The following RBFOX1 variants were observed in gnomAD, a reference collection of about 807,000 sequenced individuals.
RBFOX1 encodes RNA binding protein fox-1 homolog 1.
In RBFOX1, 8 loss-of-function variants were observed where a neutral mutation model predicts 57.7. The ratio of observed to expected loss-of-function variants is 0.14; its 90% CI spans 0.08 to 0.25. RBFOX1 has a LOEUF of 0.25. Ranked by LOEUF, RBFOX1 falls within the 10% of genes least tolerant of loss-of-function variation. The pLI, the probability that RBFOX1 is intolerant of heterozygous loss-of-function variation, is 1.00. For missense variants in RBFOX1, 611 were observed against 548.5 expected (o/e 1.11, Z -1.14); for synonymous variants, 326 against 222.4 (o/e 1.47, Z -4.15).
intron 1 of RBFOX1, among the ~76,000 whole-genome samples, chr16:5,339,134 G>A (rs1239491437): frequency 2.0e-5 from 3 of 152,050 alleles, no homozygotes; most frequent in African/African-American, 7.2e-5. Flanking sequence ...CTGAAATGTT[G>A]TGTCCTTTGA....
At chr16:5,587,671 G>A (rs1377643422) in intron 2 of RBFOX1, among the ~76,000 whole-genome samples, 2 of 152,118 alleles carry the variant, frequency 1.3e-5, no homozygotes, top group African/African-American at 2.4e-5. Flanking sequence ...CAAGATCGCG[G>A]CACTGTACTC....
At chr16:7,330,525 T>TGTTTGTGTGTAG (rs1441570396) in intron 4 of RBFOX1, among the ~76,000 whole-genome samples, 1 of 132,906 alleles carries the variant, frequency 7.5e-6, no homozygotes, top group Non-Finnish European at 1.6e-5. Context: ...TGTGTGTGTG[T>TGTTTGTGTGTAG]AGAGAGAGAG....
chr16:7,347,899 C>T (rs1045035626), intron 4 of RBFOX1, among the ~76,000 whole-genome samples: 2 of 152,150 alleles, frequency 1.3e-5, no homozygotes, highest in Non-Finnish European at 2.9e-5. Context: ...GTATTGATAG[C>T]CTTCAGTGCA....
rs577122588 is a variant in RBFOX1, at chr16:7,214,696, A to G, written c.27+162598A>G. On this transcript the variant is annotated intron_variant, in intron 4 of 15. Coordinates refer to ENST00000550418, the MANE Select transcript of RBFOX1 (RefSeq NM_018723.4). ...GCACATAAAATCCAGAACCCTTCAC[A>G]CAGGCTACCGTATACTGCGCGATCT... Among the ~76,000 whole-genome samples the G allele has an allele frequency of 4.8e-4, 73 of 152,098 alleles. 1 individual carries two copies. The highest frequency in any genetic ancestry group is 2.1e-3 in the Admixed American group (32 of 15,278).
intron 1 of RBFOX1, among the ~76,000 whole-genome samples, chr16:6,032,400 C>T (rs1185855133): frequency 1.3e-5 from 2 of 152,052 alleles, no homozygotes; most frequent in Non-Finnish European, 2.9e-5. Context: ...TACAATTATT[C>T]ATTCCGTAGC....
chr16:6,866,983 A>G (rs1603634297), intron 3 of RBFOX1, among the ~76,000 whole-genome samples: 1 of 150,270 alleles, frequency 6.7e-6, no homozygotes, highest in African/African-American at 2.5e-5. Context: ...CATACAGAAA[A>G]CCCTCTAGTC....
intron 3 of RBFOX1, among the ~76,000 whole-genome samples, chr16:5,833,805 C>T (rs946273875): frequency 4.6e-5 from 7 of 152,134 alleles, no homozygotes; most frequent in African/African-American, 1.2e-4. Flanking sequence ...TTAGCCCAGG[C>T]CCTGTCCAAA....
intron 3 of RBFOX1, among the ~76,000 whole-genome samples, chr16:6,687,926 C>G (rs1384300041): frequency 6.6e-6 from 1 of 152,156 alleles, no homozygotes; most frequent in Non-Finnish European, 1.5e-5. Flanking sequence ...ATTTTCAAAA[C>G]AATCATCTTG....
At chr16:6,238,674 C>A (rs1431952394) in intron 1 of RBFOX1, among the ~76,000 whole-genome samples, 1 of 152,130 alleles carries the variant, frequency 6.6e-6, no homozygotes, top group East Asian at 1.9e-4. Flanking sequence ...ATCCCAGCAG[C>A]TTTATGCTTT....
chr16:6,719,488 T>G (rs958793192), intron 3 of RBFOX1, among the ~76,000 whole-genome samples: 1 of 151,640 alleles, frequency 6.6e-6, no homozygotes, highest in Admixed American at 6.6e-5. Flanking sequence ...TCACCCAGGA[T>G]GGGGTGCAGT....
chr16:7,440,295 G>T (rs1156442079), intron 4 of RBFOX1, among the ~76,000 whole-genome samples: 2 of 152,180 alleles, frequency 1.3e-5, no homozygotes, highest in African/African-American at 4.8e-5. Context: ...GCATATTAGG[G>T]TGGAGCCAGG....
At chr16:5,856,187 C>CTCTCTCTCTCTCTATATA (rs1430331422) in intron 3 of RBFOX1, among the ~76,000 whole-genome samples, 8 of 31,064 alleles carry the variant, frequency 2.6e-4, no homozygotes, top group African/African-American at 9.9e-4. Context: ...CTCTCTCTCT[C>CTCTCTCTCTCTCTATATA]TATATATATA....
intron 1 of RBFOX1, among the ~76,000 whole-genome samples, chr16:6,293,591 T>G (rs1363162836): frequency 6.6e-6 from 1 of 152,010 alleles, no homozygotes; most frequent in Non-Finnish European, 1.5e-5. Flanking sequence ...ATCTGTGAGG[T>G]AGATGATTAT....
chr16:5,453,517 G>T (rs930484291), intron 1 of RBFOX1, among the ~76,000 whole-genome samples: 1 of 152,104 alleles, frequency 6.6e-6, no homozygotes, highest in South Asian at 2.1e-4. Context: ...TCATGCTCTG[G>T]TGTAAGGAAA....
intron 4 of RBFOX1, among the ~76,000 whole-genome samples, chr16:7,054,779 G>C (rs945347525): frequency 6.6e-6 from 1 of 152,220 alleles, no homozygotes; most frequent in Non-Finnish European, 1.5e-5. Context: ...TTGCTATCCA[G>C]GATGACTGGA....
intron 4 of RBFOX1, among the ~76,000 whole-genome samples, chr16:7,494,700 G>C (rs2068010443): frequency 1.3e-5 from 2 of 152,138 alleles, no homozygotes; most frequent in African/African-American, 2.4e-5. Context: ...CCATATACCT[G>C]GTAAGAGGCA....
At chr16:7,297,555 A>T (rs887816606) in intron 4 of RBFOX1, among the ~76,000 whole-genome samples, 9 of 152,066 alleles carry the variant, frequency 5.9e-5, no homozygotes, top group African/African-American at 1.9e-4. Flanking sequence ...TTTGTTGTGG[A>T]TGTTAATTAT....
chr16:6,513,089 G>C (rs1005307414), intron 2 of RBFOX1, among the ~76,000 whole-genome samples: 5 of 152,212 alleles, frequency 3.3e-5, no homozygotes, highest in African/African-American at 9.6e-5. Flanking sequence ...AAGTCAGCCA[G>C]TTCTAGTCTG....
intron 4 of RBFOX1, among the ~76,000 whole-genome samples, chr16:7,279,359 A>C (rs969157879): frequency 1.2e-4 from 19 of 152,250 alleles, no homozygotes; most frequent in Admixed American, 3.3e-4. Flanking sequence ...TCTGCTTTTC[A>C]CCAGGTGGTC....
Sources: allele counts gnomAD v4.1 joint callset (sites outside exome capture counted in the v4.1 genomes callset), GRCh38; gene constraint gnomAD v4.1.1; transcripts MANE v1.5; gene names NCBI Gene and HGNC (gene_info 2026-07-23, HGNC 2026-07-21).